IDO2: variants seen among roughly 807,000 people sequenced by gnomAD.
The protein encoded by IDO2 is indoleamine 2,3-dioxygenase-like 1 protein.
IDO2 carries 46 observed loss-of-function variants against 45.1 expected under a neutral mutation model. The observed-to-expected ratio is 1.02, with a 90% CI of 0.80 to 1.30. IDO2 has a LOEUF of 1.30. IDO2 is among the 50% of genes most tolerant of loss of function. The pLI is 0.00. For missense variants in IDO2, 544 were observed against 491.8 expected, an observed-to-expected ratio of 1.11 and a Z score of -1.00; for synonymous variants, 218 against 184.9, an observed-to-expected ratio of 1.18 and a Z score of -1.45.
intron 4 of IDO2, among the ~76,000 whole-genome samples, 158 bp downstream of exon 4, chr8:39,979,344 AT>A (rs1342149568): frequency 1.4e-5 from 2 of 141,454 alleles, no homozygotes; most frequent in African/African-American, 6.2e-5. Flanking sequence ...CTCATTTATT[AT>A]TTATTATTAT....
At chr8:39,954,337 C>T (rs1004735528) in intron 2 of IDO2, among the ~76,000 whole-genome samples, 1 of 152,204 alleles carries the variant, frequency 6.6e-6, no homozygotes, top group Non-Finnish European at 1.5e-5. Flanking sequence ...TGTGCCTTTG[C>T]TGGTGCCCCA....
intron 2 of IDO2, among the ~76,000 whole-genome samples, chr8:39,953,220 C>T (rs1364467692): frequency 6.6e-6 from 1 of 152,152 alleles, no homozygotes; most frequent in African/African-American, 2.4e-5. Context: ...AGATTTAACA[C>T]ATCCTGTAAA....
intron 10 of IDO2, 92 bp downstream of exon 10, chr8:40,013,805 T>A: frequency 1.0e-6 from 1 of 992,624 alleles, no homozygotes; most frequent in Non-Finnish European, 1.4e-6. Flanking sequence ...AAATATAAAT[T>A]AAAATGTCAT....
chr8:39,951,366 T>C (rs1261070069), intron 2 of IDO2, among the ~76,000 whole-genome samples: 1 of 149,982 alleles, frequency 6.7e-6, no homozygotes, highest in African/African-American at 2.5e-5. Context: ...GACCGGACTG[T>C]TTCCTCTGAC....
chr8:40,011,218 A>C (rs1031699211), intron 9 of IDO2, among the ~76,000 whole-genome samples: 1 of 152,198 alleles, frequency 6.6e-6, no homozygotes. Context: ...GCTGGGATAT[A>C]GTTGTTTTCT....
intron 4 of IDO2, among the ~76,000 whole-genome samples, chr8:39,981,328 G>T (rs1259509183): frequency 6.6e-6 from 1 of 152,174 alleles, no homozygotes; most frequent in Non-Finnish European, 1.5e-5. Context: ...CCAAAGTGCT[G>T]GGATTACAGG....
intron 8 of IDO2, among the ~76,000 whole-genome samples, chr8:39,996,064 A>G (rs1394878827): frequency 7.7e-6 from 1 of 129,798 alleles, no homozygotes; most frequent in African/African-American, 2.9e-5. Flanking sequence ...TAAACTTTAT[A>G]CCTAAGAGTA....
At chr8:39,990,164 G>A (rs1483997312) in intron 8 of IDO2, among the ~76,000 whole-genome samples, 1 of 152,116 alleles carries the variant, frequency 6.6e-6, no homozygotes, top group Non-Finnish European at 1.5e-5. Flanking sequence ...TTGGTCGCGC[G>A]TGCCCCATCC....
chr8:39,977,077 T>C (rs1808269744), intron 3 of IDO2, among the ~76,000 whole-genome samples: 1 of 152,102 alleles, frequency 6.6e-6, no homozygotes, highest in Non-Finnish European at 1.5e-5. Context: ...AAATAAATTA[T>C]TAAACAACAA....
intron 2 of IDO2, among the ~76,000 whole-genome samples, chr8:39,953,594 G>A (rs887030231): frequency 2.0e-5 from 3 of 151,778 alleles, no homozygotes; most frequent in African/African-American, 4.8e-5. Flanking sequence ...GACAGAGTCC[G>A]CTTTGTCGCC....
At chr8:39,996,084 A>G (rs922251794) in intron 8 of IDO2, among the ~76,000 whole-genome samples, 5 of 151,076 alleles carry the variant, frequency 3.3e-5, no homozygotes, top group African/African-American at 7.3e-5. Context: ...AAAAAAAAAA[A>G]AAAAGAAAAG....
intron 8 of IDO2, among the ~76,000 whole-genome samples, chr8:39,996,904 C>T (rs1292720946): frequency 6.6e-6 from 1 of 152,188 alleles, no homozygotes; most frequent in African/African-American, 2.4e-5. Flanking sequence ...ACTAAAACTA[C>T]ATTAACAGGC....
intron 2 of IDO2, among the ~76,000 whole-genome samples, chr8:39,958,180 C>T (rs1476390306): frequency 2.0e-5 from 3 of 151,702 alleles, no homozygotes; most frequent in Non-Finnish European, 4.4e-5. Flanking sequence ...GCTGGGATTA[C>T]AGGCGCGAGC....
At chr8:39,969,096 T>C (rs1227022516) in intron 3 of IDO2, among the ~76,000 whole-genome samples, 4 of 152,104 alleles carry the variant, frequency 2.6e-5, no homozygotes, top group African/African-American at 9.7e-5. Context: ...TTTCATGGGG[T>C]GCGGGTGAAC....
chr8:39,997,353 T>C (rs1021174473), intron 8 of IDO2, among the ~76,000 whole-genome samples: 1 of 151,488 alleles, frequency 6.6e-6, no homozygotes, highest in African/African-American at 2.4e-5. Context: ...AAAAATATTT[T>C]ATACTTTTAA....
At chr8:39,939,046 G>T (rs1753955449) in intron 1 of IDO2, among the ~76,000 whole-genome samples, 1 of 152,028 alleles carries the variant, frequency 6.6e-6, no homozygotes, top group South Asian at 2.1e-4. Flanking sequence ...CAGGTCAGGA[G>T]TTTGAGATCA....
chr8:40,012,448 A>G (rs1010478635), intron 9 of IDO2, among the ~76,000 whole-genome samples: 2 of 152,228 alleles, frequency 1.3e-5, no homozygotes, highest in African/African-American at 4.8e-5. Context: ...TACTTTATCT[A>G]TGAAATGAAG....
At chr8:39,943,196 C>T (rs1017429705) in intron 1 of IDO2, among the ~76,000 whole-genome samples, 3 of 151,702 alleles carry the variant, frequency 2.0e-5, no homozygotes, top group African/African-American at 4.8e-5. Flanking sequence ...GGGGAAACCC[C>T]GTCTTTAAGA....
At chr8:39,976,758 C>T (rs1035280) in intron 3 of IDO2, among the ~76,000 whole-genome samples, 123,310 of 152,112 alleles carry the variant, frequency 0.81, 50,349 homozygotes, top group African/African-American at 0.91. Flanking sequence ...AAAATGTTAG[C>T]TGAGTAGCAT....
Sources: allele counts gnomAD v4.1 joint callset (sites outside exome capture counted in the v4.1 genomes callset), GRCh38; gene constraint gnomAD v4.1.1; transcripts MANE v1.5; gene names NCBI Gene and HGNC (gene_info 2026-07-23, HGNC 2026-07-21).